The following RARS1 variants were observed in gnomAD, a reference collection of about 807,000 sequenced individuals.
RARS1 encodes the protein arginyl-tRNA synthetase 1, also known as arginine--tRNA ligase, cytoplasmic.
A neutral mutation model predicts 78.7 loss-of-function variants in RARS1; 75 were observed. The observed-to-expected ratio is 0.95, with a 90% CI of 0.79 to 1.15. The LOEUF (loss-of-function observed/expected upper bound fraction) is 1.15. RARS1 is among the 50% of genes most tolerant of loss of function. The pLI, the probability that RARS1 is intolerant of heterozygous loss-of-function variation, is 0.00. For synonymous variants in RARS1, 273 were observed against 268.2 expected, an observed-to-expected ratio of 1.02 and a Z score of -0.18; for missense variants, 787 against 787.5, an observed-to-expected ratio of 1.00 and a Z score of 0.01.
intron 11 of RARS1, among the ~76,000 whole-genome samples, chr5:168,509,445 C>G (rs867041199): frequency 1.4e-5 from 2 of 146,770 alleles, no homozygotes; most frequent in African/African-American, 2.5e-5. Flanking sequence ...AACACCCCCC[C>G]CCCCCCACCA....
chr5:168,494,348 G>A lies in RARS1; in HGVS notation c.479-202G>A, dbSNP rs1254187639. The A allele has an allele frequency of 2.3e-5, 23 of 985,296 alleles. No homozygotes were observed. In the South Asian group the frequency reaches 5.6e-4, roughly 24 times the overall value. The allele number at this position is 985,296 out of a possible 1,614,324, so 61.0% of individuals were successfully genotyped here. On this transcript the variant is annotated intron_variant, in intron 4 of 14. Transcript: ENST00000231572. ...AAGTGAAAGGGCCCTGAGTTAAGTA[G>A]GAAGGTTTCAGGAGAGTGGTGAAGG... is the stretch of plus-strand genomic sequence containing the variant.
At chr5:168,515,360 C>T (rs772296570) in intron 12 of RARS1, among the ~76,000 whole-genome samples, 2 of 151,984 alleles carry the variant, frequency 1.3e-5, no homozygotes, top group Non-Finnish European at 2.9e-5. Flanking sequence ...CTATGTTGTC[C>T]AGGCTGGTTT....
chr5:168,498,973 CA>C (rs35319547), intron 7 of RARS1, among the ~76,000 whole-genome samples: 1,835 of 147,716 alleles, frequency 0.012, 13 homozygotes, highest in Admixed American at 0.017. Flanking sequence ...GACCCTATCT[CA>C]AAAAAAAAAT....
In RARS1 at chr5:168,518,080, T is replaced by TTTTTTTTTTG. The variant is rs1758712363; in HGVS notation, c.1873+27_1873+28insGTTTTTTTTT. 1 of 1,416,086 alleles carries TTTTTTTTTTG rather than the reference T, an allele frequency of 7.1e-7. No homozygotes were observed. The highest frequency in any genetic ancestry group is 1.6e-5 in the African/African-American group (1 of 60,706). The allele number at this position is 1,416,086 out of a possible 1,614,324, so 87.7% of individuals were successfully genotyped here. A position where few individuals can be genotyped will look rare whatever the true frequency, so the allele number is the denominator to read the frequency against. On this transcript the variant is annotated intron_variant, in intron 14 of 14. Coordinates refer to ENST00000231572, the MANE Select transcript of RARS1 (RefSeq NM_002887.4). ...ACAGACTGGTGAGTGTCTTTTTTTT[T>TTTTTTTTTTG]TTTTTTTTTTTTTTTAGTGAGAGAC...
Position 168,518,003 on chromosome 5 carries a change from C to G in RARS1, c.1814C>G (p.Ala605Gly). The G allele has an allele frequency of 6.3e-7, 1 of 1,586,068 alleles. No homozygotes were observed. The highest frequency in any genetic ancestry group is 2.4e-5 in the East Asian group (1 of 41,304). ...HTLCDYIYEL[A>G]TAFTEFYDSC... ...CTCTGTGATTATATATATGAGCTGG[C>G]AACTGCTTTCACAGAGTTCTATGAT... Residue 605 changes from alanine (A) to glycine (G), a missense_variant, in exon 14 of 15, where the codon GCA becomes GGA. By Grantham distance (60) the Ala-to-Gly change is moderately conservative. Coordinates refer to ENST00000231572, the MANE Select transcript of RARS1 (RefSeq NM_002887.4).
intron 2 of RARS1, among the ~76,000 whole-genome samples, chr5:168,491,769 A>AT (rs1758090106): frequency 6.6e-6 from 1 of 152,236 alleles, no homozygotes. Flanking sequence ...AAATCTTTGC[A>AT]TACTCAAGTA....
Position 168,518,008 on chromosome 5 carries a change from G to C in RARS1, c.1819G>C (p.Ala607Pro). ...LCDYIYELATAFTEFYDSCYC... is the reference protein window; with the variant it reads ...LCDYIYELATPFTEFYDSCYC... Reference sequence around the variant, plus strand: ...TGATTATATATATGAGCTGGCAACTGCTTTCACAGAGTTCTATGATAGCTG... The same window carrying C: ...TGATTATATATATGAGCTGGCAACTCCTTTCACAGAGTTCTATGATAGCTG... The change falls in exon 14 of 15, where the codon GCT becomes CCT. Residue 607 changes from alanine (A) to proline (P), a missense_variant. By Grantham distance (27) the Ala-to-Pro change is conservative. Coordinates refer to ENST00000231572, the MANE Select transcript of RARS1 (RefSeq NM_002887.4). 1.9e-6 allele frequency: 3 copies of C among 1,568,202 alleles called. No homozygotes were observed. Among genetic ancestry groups the C allele is most frequent in the Non-Finnish European group, 1.7e-6 (2 of 1,157,352 alleles).
In RARS1 at chr5:168,506,780, A is replaced by T. The variant is rs761268352; in HGVS notation, c.1295A>T (p.Lys432Ile). The T allele has an allele frequency of 5.6e-6, 9 of 1,613,884 alleles. No individual in the cohort carries two copies. The Admixed American group carries it at 1.5e-4, about 27-fold the overall frequency. ...AAQMIGWYDPKVTRVFHAGFG... is the reference protein window; with the variant it reads ...AAQMIGWYDPIVTRVFHAGFG... ...CAAATGATTGGTTGGTATGACCCTA[A>T]AGTAACTCGAGTCTTCCATGCTGGA... is the stretch of plus-strand genomic sequence containing the variant. Residue 432 changes from lysine (K) to isoleucine (I), a missense_variant, in exon 11 of 15, where the codon AAA becomes ATA. By Grantham distance (102) the Lys-to-Ile change is moderately radical. Transcript: ENST00000231572.
intron 4 of RARS1, 158 bp downstream of exon 4, chr5:168,494,160 T>C: frequency 1.1e-6 from 1 of 875,298 alleles, no homozygotes; most frequent in African/African-American, 1.8e-5. Context: ...GAAGTTTTAA[T>C]CTAGACTCAG....
intron 12 of RARS1, among the ~76,000 whole-genome samples, chr5:168,512,960 G>A (rs771418141): frequency 6.6e-5 from 10 of 152,100 alleles, no homozygotes; most frequent in Admixed American, 3.3e-4. Flanking sequence ...TGAGTGCATA[G>A]TGACTTATTG....
intron 12 of RARS1, 45 bp from the exon 13 acceptor site, chr5:168,516,733 G>T (rs371520264): frequency 3.0e-5 from 48 of 1,590,694 alleles, no homozygotes; most frequent in Non-Finnish European, 3.9e-5. Flanking sequence ...CAGGGCAGAA[G>T]CAGCAGTCAG....
chr5:168,503,041 T>C (rs1758363755), intron 9 of RARS1, among the ~76,000 whole-genome samples: 1 of 152,268 alleles, frequency 6.6e-6, no homozygotes. Flanking sequence ...CTAAAGAGGC[T>C]TCATTAGATT....
chr5:168,508,393 C>T (rs1758492557), intron 11 of RARS1, among the ~76,000 whole-genome samples: 1 of 151,054 alleles, frequency 6.6e-6, no homozygotes, highest in African/African-American at 2.4e-5. Flanking sequence ...GAGGCCGAGG[C>T]AGGTGGATCA....
intron 7 of RARS1, among the ~76,000 whole-genome samples, chr5:168,499,216 T>C (rs1758264758): frequency 1.3e-5 from 2 of 151,592 alleles, no homozygotes; most frequent in Admixed American, 6.6e-5. Flanking sequence ...GAGGCGGAGG[T>C]GGGAGGATCA....
In RARS1 at chr5:168,516,903, CAG is replaced by C. The variant is rs1235111702; in HGVS notation, c.1581_1582del (p.Gly528LysfsTer12). On this transcript the variant is annotated frameshift_variant, in exon 13 of 15. Coordinates refer to ENST00000231572, the MANE Select transcript of RARS1 (RefSeq NM_002887.4). LOFTEE classifies it high-confidence loss of function. ...IFSFDKMLDD[R>X]GNTAAYLLYA... ...TCTCCTTTGACAAAATGCTAGATGA[CAG>C]AGGAAATACAGCTGCTTACTTGTTG... is the stretch of plus-strand genomic sequence containing the variant. The C allele has an allele frequency of 2.5e-6, 4 of 1,613,954 alleles. No homozygotes were observed. The highest frequency in any genetic ancestry group is 3.4e-6 in the Non-Finnish European group (4 of 1,180,006).
Position 168,492,929 on chromosome 5 carries a change from T to C in RARS1, c.369+82T>C, listed in dbSNP as rs1758115931. On this transcript the variant is annotated intron_variant, in intron 3 of 14. Transcript: ENST00000231572. ...TTGCCATTTACAGAAATAATACTAT[T>C]ACAAGTTGTATCCTTAGTGAAAAGG... 4 of 1,240,016 alleles carry C rather than the reference T, an allele frequency of 3.2e-6. No individual in the cohort carries two copies. In the Admixed American group the frequency reaches 7.9e-5, roughly 25 times the overall value. The allele number at this position is 1,240,016 out of a possible 1,614,324, so 76.8% of individuals were successfully genotyped here.
Position 168,494,607 on chromosome 5 carries a change from T to C in RARS1, c.536T>C (p.Leu179Pro). ...GTATCAGAACAATTGACCAGTCTTCTAGTGAATGGAGTTCAACTACCTGCT... is the reference window on the plus strand; with the variant it reads ...GTATCAGAACAATTGACCAGTCTTCCAGTGAATGGAGTTCAACTACCTGCT... ...DFVSEQLTSL[L>P]VNGVQLPALG... The change falls in exon 5 of 15, where the codon CTA becomes CCA. Residue 179 changes from leucine to proline, a missense_variant. Physicochemically the swap from Leu to Pro is moderately conservative, Grantham distance 98. Coordinates refer to ENST00000231572, the MANE Select transcript of RARS1 (RefSeq NM_002887.4). 2.5e-6 allele frequency: 4 copies of C among 1,610,680 alleles called. No individual in the cohort carries two copies. Among genetic ancestry groups the C allele is most frequent in the East Asian group, 2.2e-5 (1 of 44,870 alleles).
chr5:168,495,114 G>T, intron 5 of RARS1: 1 of 878,464 alleles, frequency 1.1e-6, no homozygotes, highest in Non-Finnish European at 1.6e-6. Context: ...TTCTTTTTCA[G>T]TTAAAAATAT....
At chr5:168,511,812 T>C (rs149783667) in intron 12 of RARS1, among the ~76,000 whole-genome samples, 75 of 152,316 alleles carry the variant, frequency 4.9e-4, no homozygotes, top group Middle Eastern at 3.4e-3. Flanking sequence ...TTCAAATAAA[T>C]GAAATCACAT....
Sources: allele counts gnomAD v4.1 joint callset (sites outside exome capture counted in the v4.1 genomes callset), GRCh38; gene constraint gnomAD v4.1.1; transcripts MANE v1.5; gene names NCBI Gene and HGNC (gene_info 2026-07-23, HGNC 2026-07-21).